The following DLG2 variants were observed in gnomAD, a reference collection of about 807,000 sequenced individuals.
DLG2 encodes disks large homolog 2.
In DLG2, 45 loss-of-function variants were observed where a neutral mutation model predicts 132.5. The ratio of observed to expected loss-of-function variants is 0.34; its 90% CI spans 0.27 to 0.44. The LOEUF (loss-of-function observed/expected upper bound fraction) is 0.44, where lower values mean the gene tolerates loss of function less well. Ranked by LOEUF, DLG2 falls within the 20% of genes least tolerant of loss-of-function variation. The pLI is 1.00. For missense variants in DLG2, 1,045 were observed against 1,196.9 expected (o/e 0.87, Z 1.87); for synonymous variants, 424 against 419.6 (o/e 1.01, Z -0.13).
At chr11:83,538,145 G>C (rs1270840773) in intron 20 of DLG2, among the ~76,000 whole-genome samples, 1 of 152,130 alleles carries the variant, frequency 6.6e-6, no homozygotes, top group Non-Finnish European at 1.5e-5. Flanking sequence ...CTATACAAAA[G>C]GCTGCTACAA....
At chr11:84,442,234 A>G (rs2099019403) in intron 7 of DLG2, among the ~76,000 whole-genome samples, 2 of 152,116 alleles carry the variant, frequency 1.3e-5, no homozygotes, top group Admixed American at 1.3e-4. Flanking sequence ...CACGATATTG[A>G]TTCTTCCTGT....
intron 6 of DLG2, among the ~76,000 whole-genome samples, chr11:85,040,692 C>T (rs1229683867): frequency 2.6e-5 from 4 of 151,844 alleles, no homozygotes; most frequent in Non-Finnish European, 5.9e-5. Context: ...AAACATATGG[C>T]CTTTCTCTCT....
intron 3 of DLG2, among the ~76,000 whole-genome samples, chr11:85,289,719 A>G (rs2078777322): frequency 6.6e-6 from 1 of 152,110 alleles, no homozygotes; most frequent in African/African-American, 2.4e-5. Flanking sequence ...ATATTTAACG[A>G]TGTTGCAAAT....
At chr11:83,905,753 A>G (rs1395737324) in intron 15 of DLG2, among the ~76,000 whole-genome samples, 1 of 152,102 alleles carries the variant, frequency 6.6e-6, no homozygotes, top group Non-Finnish European at 1.5e-5. Flanking sequence ...TTTCATTATC[A>G]TCTTTTGATG....
At chr11:84,870,000 C>T (rs1438741695) in intron 6 of DLG2, among the ~76,000 whole-genome samples, 1 of 152,160 alleles carries the variant, frequency 6.6e-6, no homozygotes, top group Non-Finnish European at 1.5e-5. Context: ...GACTCAATTC[C>T]ACTGGCTTCC....
chr11:84,984,953 G>T (rs1243820183), intron 6 of DLG2, among the ~76,000 whole-genome samples: 3 of 152,148 alleles, frequency 2.0e-5, no homozygotes, highest in Non-Finnish European at 4.4e-5. Flanking sequence ...CTAAATATAT[G>T]CAGCTAACAC....
At chr11:85,171,616 T>G (rs2078884613) in intron 4 of DLG2, among the ~76,000 whole-genome samples, 1 of 152,182 alleles carries the variant, frequency 6.6e-6, no homozygotes, top group Non-Finnish European at 1.5e-5. Flanking sequence ...GGCTTCATTC[T>G]GTGGGCCCTA....
At chr11:84,621,203 C>A (rs2099613288) in intron 6 of DLG2, among the ~76,000 whole-genome samples, 1 of 152,046 alleles carries the variant, frequency 6.6e-6, no homozygotes, top group Non-Finnish European at 1.5e-5. Flanking sequence ...TATACTATAT[C>A]ATTTCCACTC....
At chr11:84,110,031 T>C (rs971071417) in intron 9 of DLG2, among the ~76,000 whole-genome samples, 4 of 152,184 alleles carry the variant, frequency 2.6e-5, no homozygotes, top group African/African-American at 9.7e-5. Flanking sequence ...GTTCTCCTCA[T>C]TGGTTTTCTG....
chr11:85,333,677 T>A (rs1269054266), intron 3 of DLG2, among the ~76,000 whole-genome samples: 2 of 152,200 alleles, frequency 1.3e-5, no homozygotes, highest in East Asian at 1.9e-4. Flanking sequence ...CTGAATCTGG[T>A]GAGATGCTCA....
At chr11:83,653,920 A>G (rs540413417) in intron 18 of DLG2, among the ~76,000 whole-genome samples, 2 of 152,102 alleles carry the variant, frequency 1.3e-5, no homozygotes, top group African/African-American at 4.8e-5. Context: ...GGGTTTCAAC[A>G]TGTTGGCCAT....
chr11:84,275,829 A>C (rs181009777), intron 7 of DLG2, among the ~76,000 whole-genome samples: 21 of 152,344 alleles, frequency 1.4e-4, no homozygotes, highest in Admixed American at 5.2e-4. Flanking sequence ...GCAATGAAAA[A>C]GAAGAGATTA....
chr11:85,432,995 G>A (rs182846355), intron 3 of DLG2, among the ~76,000 whole-genome samples: 2 of 152,284 alleles, frequency 1.3e-5, no homozygotes, highest in East Asian at 1.9e-4. Flanking sequence ...TAAGCAAGAA[G>A]AAAGTGTGGG....
At chr11:83,717,662 A>G (rs942694716) in intron 18 of DLG2, among the ~76,000 whole-genome samples, 5 of 152,190 alleles carry the variant, frequency 3.3e-5, no homozygotes, top group Admixed American at 3.3e-4. Context: ...AGTACAGAAA[A>G]ACTCATGGCC....
chr11:85,144,599 A>G (rs79087640), intron 5 of DLG2, among the ~76,000 whole-genome samples: 5,599 of 150,078 alleles, frequency 0.037, 140 homozygotes, highest in African/African-American at 0.063. Flanking sequence ...GGGTTTTTTG[A>G]TCCGAGGTTA....
rs149709581 is a variant in DLG2, at chr11:84,550,680, G to A, written c.358-15949C>T. Among the ~76,000 whole-genome samples the A allele has an allele frequency of 1.3e-3, 191 of 152,206 alleles. 2 individuals are homozygous for A. Among genetic ancestry groups the A allele is most frequent in the Admixed American group, 8.1e-3 (124 of 15,290 alleles). On this transcript the variant is annotated intron_variant, in intron 6 of 27. Coordinates refer to ENST00000376104, the MANE Select transcript of DLG2 (RefSeq NM_001142699.3). ...TGGTCCTGGGACTTCCTGGGTGGTCGATTGGCATATATATCCTCTGTGACA... is the reference window on the plus strand; with the variant it reads ...TGGTCCTGGGACTTCCTGGGTGGTCAATTGGCATATATATCCTCTGTGACA...
intron 7 of DLG2, among the ~76,000 whole-genome samples, chr11:84,319,792 T>A (rs1394438339): frequency 6.6e-6 from 1 of 152,244 alleles, no homozygotes; most frequent in Non-Finnish European, 1.5e-5. Context: ...AATGTTATTT[T>A]GCTTAAAAGA....
chr11:84,460,068 A>T (rs879459390), intron 7 of DLG2, among the ~76,000 whole-genome samples: 20 of 150,694 alleles, frequency 1.3e-4, no homozygotes, highest in Non-Finnish European at 2.8e-4. Context: ...AAATTTTGTC[A>T]GGAATGAGTT....
At chr11:85,393,646 T>TGC (rs1255014486) in intron 3 of DLG2, among the ~76,000 whole-genome samples, 1 of 151,616 alleles carries the variant, frequency 6.6e-6, no homozygotes, top group Non-Finnish European at 1.5e-5. Flanking sequence ...TGTGTGTGTG[T>TGC]GTGTGTGTGT....
Sources: allele counts gnomAD v4.1 joint callset (sites outside exome capture counted in the v4.1 genomes callset), GRCh38; gene constraint gnomAD v4.1.1; transcripts MANE v1.5; gene names NCBI Gene and HGNC (gene_info 2026-07-23, HGNC 2026-07-21).